Variants in TSGA10 observed in about 807,000 individuals in gnomAD.
The protein encoded by TSGA10 is testis-specific gene 10 protein.
A neutral mutation model predicts 96.6 loss-of-function variants in TSGA10; 43 were observed. That is an observed-to-expected ratio of 0.44 (90% CI 0.35 to 0.57). The LOEUF is 0.57. Among genes scored for constraint, TSGA10 ranks in the 20% least tolerant of loss-of-function variants. TSGA10 has a pLI of 0.01. For missense variants in TSGA10, 703 were observed against 834.4 expected, an observed-to-expected ratio of 0.84 and a Z score of 1.94; for synonymous variants, 229 against 269.9, an observed-to-expected ratio of 0.85 and a Z score of 1.48.
At chr2:99,134,004 T>C (rs867788865) in intron 1 of TSGA10, among the ~76,000 whole-genome samples, 2 of 152,330 alleles carry the variant, frequency 1.3e-5, no homozygotes, top group Non-Finnish European at 2.9e-5. Flanking sequence ...TTTCTCTCTG[T>C]CTGCCCTTAA....
intron 1 of TSGA10, among the ~76,000 whole-genome samples, chr2:99,135,541 TTTTA>T (rs2093289690): frequency 2.0e-5 from 3 of 152,372 alleles, no homozygotes; most frequent in African/African-American, 7.2e-5. Flanking sequence ...AAGGAAGAAC[TTTTA>T]TTCTCAATTA....
At chr2:99,106,032 A>G (rs952638168) in intron 7 of TSGA10, among the ~76,000 whole-genome samples, 1 of 152,178 alleles carries the variant, frequency 6.6e-6, no homozygotes, top group Non-Finnish European at 1.5e-5. Flanking sequence ...ATTTAGACAG[A>G]CTACCGGTTT....
intron 15 of TSGA10, among the ~76,000 whole-genome samples, chr2:99,065,600 A>C (rs1319915502): frequency 2.0e-5 from 3 of 152,126 alleles, no homozygotes; most frequent in Non-Finnish European, 4.4e-5. Flanking sequence ...GCTTCTGATA[A>C]TTTCCTGTCT....
chr2:99,041,816 A>G (rs2082206717), intron 16 of TSGA10, among the ~76,000 whole-genome samples: 1 of 152,168 alleles, frequency 6.6e-6, no homozygotes, highest in African/African-American at 2.4e-5. Context: ...ACAAAGATAA[A>G]TAGATGCGAC....
chr2:99,115,845 C>G (rs1365730561), intron 4 of TSGA10, among the ~76,000 whole-genome samples: 6 of 152,134 alleles, frequency 3.9e-5, no homozygotes, highest in Non-Finnish European at 8.8e-5. Flanking sequence ...CGCCACTGCA[C>G]TCCAGCCTGG....
At chr2:99,102,536 C>T in intron 10 of TSGA10, 1 of 1,614,064 alleles carries the variant, frequency 6.2e-7, no homozygotes, top group Non-Finnish European at 8.5e-7. Context: ...ATGAGATTGA[C>T]CAGGCTCTGG....
chr2:99,111,418 C>T (rs997066532), intron 4 of TSGA10, among the ~76,000 whole-genome samples: 2 of 152,108 alleles, frequency 1.3e-5, no homozygotes, highest in African/African-American at 2.4e-5. Flanking sequence ...CATATGACTA[C>T]ATTATATGTT....
chr2:99,007,482 G>A (rs1226162083), intron 20 of TSGA10, among the ~76,000 whole-genome samples: 2 of 151,960 alleles, frequency 1.3e-5, no homozygotes, highest in African/African-American at 4.8e-5. Context: ...ACAAAGTAGA[G>A]TTCAGCAAAA....
chr2:99,047,669 G>A (rs1029475669), intron 16 of TSGA10, among the ~76,000 whole-genome samples: 1 of 152,128 alleles, frequency 6.6e-6, no homozygotes, highest in Non-Finnish European at 1.5e-5. Context: ...TGGCACAAGA[G>A]GGGGATGCCC....
chr2:99,143,361 G>C (rs1052360130), intron 1 of TSGA10, among the ~76,000 whole-genome samples: 8 of 151,166 alleles, frequency 5.3e-5, no homozygotes, highest in African/African-American at 1.7e-4. Context: ...GGGTTTCACT[G>C]TGTTAGCCAG....
At chr2:99,005,001 T>TA (rs747813520) in intron 20 of TSGA10, among the ~76,000 whole-genome samples, 72 of 152,318 alleles carry the variant, frequency 4.7e-4, no homozygotes, top group Non-Finnish European at 8.2e-4. Context: ...TGCAAATCAA[T>TA]AAATGTAATC....
chr2:99,085,367 G>A (rs1373775384), intron 10 of TSGA10, among the ~76,000 whole-genome samples: 1 of 152,024 alleles, frequency 6.6e-6, no homozygotes, highest in East Asian at 1.9e-4. Flanking sequence ...CACTTTGGGA[G>A]GCCAATGTGG....
intron 1 of TSGA10, among the ~76,000 whole-genome samples, chr2:99,127,606 A>T (rs902853387): frequency 6.6e-5 from 10 of 152,222 alleles, no homozygotes; most frequent in South Asian, 2.1e-4. Context: ...AAAAAAGATT[A>T]AAAAAGTACT....
At chr2:99,119,659 T>C (rs1340879406) in intron 2 of TSGA10, among the ~76,000 whole-genome samples, 1 of 152,216 alleles carries the variant, frequency 6.6e-6, no homozygotes, top group Non-Finnish European at 1.5e-5. Context: ...GTTCTTACCC[T>C]AACAATCATT....
At chr2:99,009,151 T>A (rs1054571445) in intron 20 of TSGA10, among the ~76,000 whole-genome samples, 1 of 151,920 alleles carries the variant, frequency 6.6e-6, no homozygotes, top group African/African-American at 2.4e-5. Flanking sequence ...AGTGGAAATA[T>A]GAAAAATGAA....
rs182234378 is a variant in TSGA10 at position 99,060,186 on chromosome 2, C to A, written c.1404+4753G>T. On this transcript the variant is annotated intron_variant, in intron 16 of 20. Coordinates refer to ENST00000393483, the MANE Select transcript of TSGA10 (RefSeq NM_025244.4). The stretch of plus-strand genomic sequence containing the variant: ...TAAAATCTACAAAAACCTACTAGGA[C>A]TAAAACATTGAATTTAAACAATGTT... Among the ~76,000 whole-genome samples the A allele has an allele frequency of 2.0e-5, 3 of 152,160 alleles. No individual in the cohort carries two copies. The East Asian group carries it at 5.8e-4, about 29-fold the overall frequency.
chr2:99,004,470 A>C (rs1015018256), intron 20 of TSGA10, among the ~76,000 whole-genome samples: 11 of 151,946 alleles, frequency 7.2e-5, no homozygotes, highest in Non-Finnish European at 1.3e-4. Flanking sequence ...GTCACCACCG[A>C]TCTCACAGAA....
intron 1 of TSGA10, among the ~76,000 whole-genome samples, chr2:99,143,686 G>A (rs1039142608): frequency 2.6e-5 from 4 of 151,714 alleles, no homozygotes; most frequent in African/African-American, 9.7e-5. Context: ...TGCCCAGGCT[G>A]GTCTTGAACT....
intron 20 of TSGA10, among the ~76,000 whole-genome samples, chr2:99,009,205 C>T (rs1026099856): frequency 6.6e-6 from 1 of 151,908 alleles, no homozygotes; most frequent in Non-Finnish European, 1.5e-5. Flanking sequence ...ACAATGAATA[C>T]CATGACCAAA....
Sources: allele counts gnomAD v4.1 joint callset (sites outside exome capture counted in the v4.1 genomes callset), GRCh38; gene constraint gnomAD v4.1.1; transcripts MANE v1.5; gene names NCBI Gene and HGNC (gene_info 2026-07-23, HGNC 2026-07-21).